Variants in PCK1 observed in about 807,000 individuals in gnomAD.
The protein encoded by PCK1 is phosphoenolpyruvate carboxykinase 1, also known as phosphoenolpyruvate carboxykinase, cytosolic [GTP].
PCK1 carries 44 observed loss-of-function variants against 50.3 expected under a neutral mutation model. That is an observed-to-expected ratio of 0.87 (90% CI 0.69 to 1.12). The LOEUF (loss-of-function observed/expected upper bound fraction) is 1.12. Among genes scored for constraint, PCK1 ranks in the 50% most tolerant of loss-of-function variants. PCK1 has a pLI of 0.00. For missense variants in PCK1, 790 were observed against 815.0 expected (o/e 0.97, Z 0.37); for synonymous variants, 332 against 314.3 (o/e 1.06, Z -0.59).
At position 57,561,541 on chromosome 20, in the gene PCK1, C is replaced by A; in HGVS notation, c.130C>A (p.His44Asn). The change falls in exon 2 of 10, where the codon CAC (histidine) becomes AAC (asparagine). Residue 44 changes from histidine (H) to asparagine (N), a missense_variant. Physicochemically the swap from His to Asn is moderately conservative, Grantham distance 68. Transcript: ENST00000319441. Reference sequence around the variant, plus strand: ...TGAGCTGTGTCAGCCTGATCACATCCACATCTGTGACGGCTCTGAGGAGGA... The same window carrying A: ...TGAGCTGTGTCAGCCTGATCACATCAACATCTGTGACGGCTCTGAGGAGGA... Reference protein sequence around the residue: ...NAELCQPDHIHICDGSEEENG... With the variant: ...NAELCQPDHINICDGSEEENG... 6.2e-7 allele frequency: 1 copy of A among 1,613,886 alleles called. No homozygotes were observed. Among genetic ancestry groups the A allele is most frequent in the East Asian group, 2.2e-5 (1 of 44,870 alleles).
intron 3 of PCK1, chr20:57,562,492 C>A (rs2070155903): frequency 9.6e-6 from 6 of 623,974 alleles, no homozygotes; most frequent in Non-Finnish European, 1.4e-5. Flanking sequence ...TGGTGGGACC[C>A]AATTGCACAT....
At chr20:57,564,645 T>A in intron 8 of PCK1, 32 bp downstream of exon 8, 2 of 1,542,692 alleles carry the variant, frequency 1.3e-6, no homozygotes, top group Non-Finnish European at 1.7e-6. Context: ...GCTGGGAACA[T>A]GGGTGTGCTG....
rs759820173 is a variant in PCK1, at chr20:57,563,241, G to A, written c.798+26G>A. 8 of 1,604,478 alleles carry A rather than the reference G, an allele frequency of 5.0e-6. No homozygotes were observed. The Admixed American group carries it at 8.3e-5, about 17-fold the overall frequency. On this transcript the variant is annotated intron_variant, in intron 5 of 9. Coordinates refer to ENST00000319441, the MANE Select transcript of PCK1 (RefSeq NM_002591.4). ...GTGAGCCTGCAGGAAGCCCTGATGTGCAGATGAGAGGCCTGGGGGGTGGCA... is the reference window on the plus strand; with the variant it reads ...GTGAGCCTGCAGGAAGCCCTGATGTACAGATGAGAGGCCTGGGGGGTGGCA...
At position 57,563,082 on chromosome 20, in the gene PCK1, T is replaced by G. The variant is rs781101554; in HGVS notation, c.665T>G (p.Leu222Arg). 6.2e-7 allele frequency: 1 copy of G among 1,614,132 alleles called. No homozygotes were observed. Among genetic ancestry groups the G allele is most frequent in the Non-Finnish European group, 8.5e-7 (1 of 1,180,018 alleles). ...CNPELTLIAHLPDRREIISFG... is the reference protein window; with the variant it reads ...CNPELTLIAHRPDRREIISFG... ...CCGGAGCTGACGCTCATCGCCCACC[T>G]GCCTGACCGCAGAGAGATCATCTCC... The change falls in exon 5 of 10, where the codon CTG (leucine) becomes CGG (arginine). Residue 222 changes from leucine to arginine, a missense_variant. Coordinates refer to ENST00000319441, the MANE Select transcript of PCK1 (RefSeq NM_002591.4).
At position 57,564,487 on chromosome 20, in the gene PCK1, C is replaced by G. The variant is rs376297762; in HGVS notation, c.1192C>G (p.Pro398Ala). The G allele has an allele frequency of 5.0e-6, 8 of 1,614,064 alleles. No homozygotes were observed. Among genetic ancestry groups the G allele is most frequent in the Non-Finnish European group, 6.8e-6 (8 of 1,180,042 alleles). ...AGCCTTTCTCTGTCTTATAGGGGAA[C>G]CTTGTGCCCACCCCAACTCGAGGTT... The part of the protein sequence containing the change: ...NKEWSSEDGE[P>A]CAHPNSRFCT... The change falls in exon 8 of 10, where the codon CCT becomes GCT. Residue 398 changes from proline (P) to alanine (A), a missense_variant. Transcript: ENST00000319441.
intron 5 of PCK1, 78 bp downstream of exon 5, chr20:57,563,293 C>A: frequency 7.6e-7 from 1 of 1,313,646 alleles, no homozygotes; most frequent in Non-Finnish European, 1.1e-6. Context: ...CAGTTCCCAC[C>A]CGTCAGCACA....
chr20:57,565,380 T>G lies in PCK1; in HGVS notation c.1445T>G (p.Met482Arg). 1 of 1,614,244 alleles carries G rather than the reference T, an allele frequency of 6.2e-7. No individual in the cohort carries two copies. The highest frequency in any genetic ancestry group is 8.5e-7 in the Non-Finnish European group (1 of 1,180,012). The part of the protein sequence containing the change: ...GKIIMHDPFA[M>R]RPFFGYNFGK... ...ATCATCATGCATGACCCCTTTGCCA[T>G]GCGGCCCTTCTTTGGCTACAACTTC... The change falls in exon 10 of 10, where the codon ATG (methionine) becomes AGG (arginine). Residue 482 changes from methionine (M) to arginine (R), a missense_variant. Met to Arg is a moderately conservative substitution (Grantham distance 91). Coordinates refer to ENST00000319441, the MANE Select transcript of PCK1 (RefSeq NM_002591.4).
At position 57,563,237 on chromosome 20, in the gene PCK1, A is replaced by C. The variant is rs766798468; in HGVS notation, c.798+22A>C. On this transcript the variant is annotated intron_variant, in intron 5 of 9. Transcript: ENST00000319441. ...GCTGGTGAGCCTGCAGGAAGCCCTG[A>C]TGTGCAGATGAGAGGCCTGGGGGGT... 5.6e-6 allele frequency: 9 copies of C among 1,609,080 alleles called. No individual in the cohort carries two copies. The East Asian group carries it at 2.0e-4, about 36-fold the overall frequency.
At position 57,564,390 on chromosome 20, in the gene PCK1, G is replaced by A. The variant is rs1313564970; in HGVS notation, c.1183G>A (p.Asp395Asn). 3 of 1,613,960 alleles carry A rather than the reference G, an allele frequency of 1.9e-6. No homozygotes were observed. The highest frequency in any genetic ancestry group is 3.3e-4 in the Middle Eastern group (2 of 6,062). Reference sequence around the variant, plus strand: ...GAAGAATAAGGAGTGGAGCTCAGAGGATGGTGTGTCCCTGCCAGAGGCCTT... The same window carrying A: ...GAAGAATAAGGAGTGGAGCTCAGAGAATGGTGTGTCCCTGCCAGAGGCCTT... ...SWKNKEWSSE[D>N]GEPCAHPNSR... The change falls in exon 7 of 10, where the codon GAT (aspartate) becomes AAT (asparagine). Residue 395 changes from aspartate to asparagine, a missense_variant. Transcript: ENST00000319441.
In PCK1 at chr20:57,567,209, AG is replaced by A. The variant is rs1483860509; in HGVS notation, c.*1406del. Reference sequence around the variant, plus strand: ...ATTGGCTTCACCCCTACCACACCCCAGCGGGCAGGCTTGTTCTTATGTCACA... The same window carrying A: ...ATTGGCTTCACCCCTACCACACCCCACGGGCAGGCTTGTTCTTATGTCACA... On this transcript the variant is annotated 3_prime_UTR_variant, in exon 10 of 10. Transcript: ENST00000319441. 1 of 152,216 alleles carries A rather than the reference AG, an allele frequency of 6.6e-6. No homozygotes were observed. The highest frequency in any genetic ancestry group is 2.4e-5 in the African/African-American group (1 of 41,442). The allele number at this position is 152,216 out of a possible 1,614,324, so 9.4% of individuals were successfully genotyped here.
At position 57,563,666 on chromosome 20, in the gene PCK1, C is replaced by A; in HGVS notation, c.900C>A (p.Leu300=). ...ACCTGGCCATGATGAACCCCAGCCTCCCCGGGTGGAAGGTTGAGTGCGTCG... is the reference window on the plus strand; with the variant it reads ...ACCTGGCCATGATGAACCCCAGCCTACCCGGGTGGAAGGTTGAGTGCGTCG... ...KTNLAMMNPS[L]PGWKVECVGD... is the part of the protein sequence containing the mutation. The change falls in exon 6 of 10, where the codon CTC becomes CTA. Residue 300 remains leucine, a synonymous_variant. Coordinates refer to ENST00000319441, the MANE Select transcript of PCK1 (RefSeq NM_002591.4). 1 of 1,613,330 alleles carries A rather than the reference C, an allele frequency of 6.2e-7. No homozygotes were observed. The highest frequency in any genetic ancestry group is 1.1e-5 in the South Asian group (1 of 90,986).
chr20:57,561,410 A>C lies in PCK1; in HGVS notation c.-2A>C. ...CGTGCCCCTTAGCAGCACTCTGCAGAAATGCCTCCTCAGCTGCAAAACGGC... is the reference window on the plus strand; with the variant it reads ...CGTGCCCCTTAGCAGCACTCTGCAGCAATGCCTCCTCAGCTGCAAAACGGC... On this transcript the variant is annotated 5_prime_UTR_variant, in exon 2 of 10. Coordinates refer to ENST00000319441, the MANE Select transcript of PCK1 (RefSeq NM_002591.4). The C allele has an allele frequency of 6.2e-7, 1 of 1,608,592 alleles. No individual in the cohort carries two copies. Among genetic ancestry groups the C allele is most frequent in the South Asian group, 1.1e-5 (1 of 90,940 alleles).
At position 57,564,249 on chromosome 20, in the gene PCK1, A is replaced by T. The variant is rs756433428; in HGVS notation, c.1042A>T (p.Ile348Phe). The T allele has an allele frequency of 6.2e-7, 1 of 1,614,144 alleles. No homozygotes were observed. The highest frequency in any genetic ancestry group is 1.1e-5 in the South Asian group (1 of 91,084). The change falls in exon 7 of 10, where the codon ATC becomes TTC. Residue 348 changes from isoleucine (I) to phenylalanine (F), a missense_variant. Ile to Phe is a conservative substitution (Grantham distance 21). Transcript: ENST00000319441. ...TTCAGTGAAGACCAACCCCAATGCCATCAAGACCATCCAGAAGAACACAAT... is the reference window on the plus strand; with the variant it reads ...TTCAGTGAAGACCAACCCCAATGCCTTCAAGACCATCCAGAAGAACACAAT... ...GTSVKTNPNAIKTIQKNTIFT... is the reference protein window; with the variant it reads ...GTSVKTNPNAFKTIQKNTIFT...
intron 8 of PCK1, 133 bp downstream of exon 8, chr20:57,564,746 G>C (rs1420016743): frequency 1.2e-6 from 1 of 822,206 alleles, no homozygotes; most frequent in East Asian, 2.5e-5. Flanking sequence ...CCTTCCCAAA[G>C]ATCCAGAATA....
intron 5 of PCK1, 38 bp downstream of exon 5, chr20:57,563,253 C>A (rs767696534): frequency 1.3e-6 from 2 of 1,582,614 alleles, no homozygotes; most frequent in Non-Finnish European, 1.7e-6. Flanking sequence ...AGATGAGAGG[C>A]CTGGGGGGTG....
intron 5 of PCK1, 117 bp downstream of exon 5, chr20:57,563,332 G>C (rs2070170437): frequency 6.2e-6 from 6 of 973,970 alleles, no homozygotes; most frequent in Non-Finnish European, 9.2e-6. Flanking sequence ...TTCCCGGACA[G>C]ATCGGGAAAC....
rs767979131 is a variant in PCK1, at chr20:57,565,808, G to A, written c.*4G>A. ...GCAAAGAATAAGCCAGATGTAATCA[G>A]GGCCTGAGTGCTTTACCTTTAAAAT... On this transcript the variant is annotated 3_prime_UTR_variant, in exon 10 of 10. Coordinates refer to ENST00000319441, the MANE Select transcript of PCK1 (RefSeq NM_002591.4). 5.7e-6 allele frequency: 9 copies of A among 1,590,058 alleles called. No individual in the cohort carries two copies.
chr20:57,562,618 C>T (rs2146527270), intron 3 of PCK1, 78 bp from the exon 4 acceptor site: 1 of 1,247,292 alleles, frequency 8.0e-7, no homozygotes, highest in East Asian at 2.4e-5. Flanking sequence ...GAAAATGGGT[C>T]TACCTGGGAA....
chr20:57,565,244 G>A, intron 9 of PCK1, 106 bp from the exon 10 acceptor site: 1 of 1,282,688 alleles, frequency 7.8e-7, no homozygotes, highest in Non-Finnish European at 1.1e-6. Flanking sequence ...GAGAGAGAGA[G>A]AGAAAGAGAG....
Sources: gnomAD v4.1 joint callset for allele counts on GRCh38, gnomAD v4.1.1 for gene constraint, MANE v1.5 for transcripts, NCBI Gene and HGNC (gene_info 2026-07-23, HGNC 2026-07-21) for gene names.